NEO1: variants seen among roughly 807,000 people sequenced by gnomAD.
NEO1 encodes the protein neogenin.
Under a neutral mutation model 159.7 loss-of-function variants are expected in NEO1, and 63 were observed. That is an observed-to-expected ratio of 0.39 (90% confidence interval 0.32 to 0.49). The LOEUF is 0.49. Among genes scored for constraint, NEO1 ranks in the 20% least tolerant of loss-of-function variants. The pLI, the probability that NEO1 is intolerant of heterozygous loss-of-function variation, is 0.85. For missense variants in NEO1, 1,615 were observed against 1,831.0 expected (o/e 0.88, Z 2.15); for synonymous variants, 633 against 662.0 (o/e 0.96, Z 0.67).
Position 73,135,872 on chromosome 15 carries a change from T to G in NEO1, c.879-19T>G. 1 of 1,448,028 alleles carries G rather than the reference T, an allele frequency of 6.9e-7. No individual in the cohort carries two copies. The highest frequency in any genetic ancestry group is 9.0e-7 in the Non-Finnish European group (1 of 1,109,734). 89.7% of individuals were successfully genotyped at this position (1,448,028 alleles called of 1,614,324 possible). A position where few individuals can be genotyped will look rare whatever the true frequency, so the allele number is the denominator to read the frequency against. ...TAGTACTGAAATGTATCTTTTTTTTTTTTTTTTTTTTAACACAGCTCTGAA... is the reference window on the plus strand; with the variant it reads ...TAGTACTGAAATGTATCTTTTTTTTGTTTTTTTTTTTAACACAGCTCTGAA... On this transcript the variant is annotated intron_variant, in intron 4 of 28. Transcript: ENST00000261908.
intron 5 of NEO1, among the ~76,000 whole-genome samples, chr15:73,153,152 T>C (rs1264189531): frequency 6.6e-6 from 1 of 152,174 alleles, no homozygotes. Context: ...CAGAAAACAA[T>C]TTCAGCCTTT....
chr15:73,151,819 T>C (rs2033397362), intron 5 of NEO1, among the ~76,000 whole-genome samples: 1 of 152,192 alleles, frequency 6.6e-6, no homozygotes, highest in South Asian at 2.1e-4. Flanking sequence ...AGCTTCTATT[T>C]TGATTATTTT....
In NEO1 at chr15:73,249,817, C is replaced by G. The variant is rs186734667; in HGVS notation, c.1894+96C>G. On this transcript the variant is annotated intron_variant, in intron 11 of 28. Coordinates refer to ENST00000261908, the MANE Select transcript of NEO1 (RefSeq NM_002499.4). ...GCTTTGATGTCTAGAAGATTCAGTT[C>G]AAATCCCAATTTTACCTCTTTCTGG... 402 of 1,363,122 alleles carry G rather than the reference C, an allele frequency of 2.9e-4. 2 individuals carry two copies. Among genetic ancestry groups the G allele is most frequent in the South Asian group, 5.2e-4 (31 of 59,414 alleles). The allele number at this position is 1,363,122 out of a possible 1,614,324, so 84.4% of individuals were successfully genotyped here. A position where few individuals can be genotyped will look rare whatever the true frequency, so the allele number is the denominator to read the frequency against.
At chr15:73,108,136 T>C (rs2070782994) in intron 1 of NEO1, among the ~76,000 whole-genome samples, 1 of 152,160 alleles carries the variant, frequency 6.6e-6, no homozygotes, top group Non-Finnish European at 1.5e-5. Flanking sequence ...AATTCAGATT[T>C]CCCCCACTTT....
At chr15:73,205,730 G>A (rs2037174995) in intron 7 of NEO1, among the ~76,000 whole-genome samples, 1 of 152,130 alleles carries the variant, frequency 6.6e-6, no homozygotes, top group Admixed American at 6.5e-5. Flanking sequence ...TCTACAGTTT[G>A]GGGTGGGGAT....
At chr15:73,208,642 A>G (rs986579775) in intron 7 of NEO1, among the ~76,000 whole-genome samples, 2 of 152,160 alleles carry the variant, frequency 1.3e-5, no homozygotes, top group African/African-American at 4.8e-5. Flanking sequence ...CACATGGATC[A>G]CTTGAGCCCA....
At chr15:73,288,790 A>G (rs1314058227) in intron 24 of NEO1, among the ~76,000 whole-genome samples, 1 of 152,116 alleles carries the variant, frequency 6.6e-6, no homozygotes, top group Non-Finnish European at 1.5e-5. Flanking sequence ...ATCAGGCTTC[A>G]GCAGCGTGAT....
chr15:73,273,962 C>T lies in NEO1; in HGVS notation c.3117C>T (p.Gly1039=), dbSNP rs1161157326. 1 of 1,614,148 alleles carries T rather than the reference C, an allele frequency of 6.2e-7. No individual in the cohort carries two copies. The highest frequency in any genetic ancestry group is 1.1e-5 in the South Asian group (1 of 91,074). The change falls in exon 20 of 29, where the codon GGC becomes GGT. Residue 1039 remains glycine (G), a synonymous_variant. Coordinates refer to ENST00000261908, the MANE Select transcript of NEO1 (RefSeq NM_002499.4). ...AAATCCAGGCACGGAACTCAAAGGG[C>T]ATGGGACCCATGTCTGAAGCTGTCC... ...YFKIQARNSK[G]MGPMSEAVQF... is the part of the protein sequence containing the mutation.
intron 7 of NEO1, among the ~76,000 whole-genome samples, chr15:73,197,195 A>G (rs989631616): frequency 3.3e-5 from 5 of 151,936 alleles, no homozygotes; most frequent in Admixed American, 2.0e-4. Flanking sequence ...CCTCATCTCT[A>G]TAAAAATACA....
chr15:73,147,974 C>T (rs539018243), intron 5 of NEO1, among the ~76,000 whole-genome samples: 8 of 152,062 alleles, frequency 5.3e-5, no homozygotes, highest in South Asian at 2.1e-4. Flanking sequence ...CCATCATGCC[C>T]GGCTAATTTT....
chr15:73,269,790 T>A (rs1045432268), intron 16 of NEO1, among the ~76,000 whole-genome samples: 1 of 152,196 alleles, frequency 6.6e-6, no homozygotes, highest in African/African-American at 2.4e-5. Flanking sequence ...GAATATAGTT[T>A]ATTACTGCTT....
chr15:73,178,536 TG>T, intron 7 of NEO1, 109 bp downstream of exon 7: 1 of 1,178,150 alleles, frequency 8.5e-7, no homozygotes, highest in Non-Finnish European at 1.2e-6. Context: ...GGCCAATATG[TG>T]GCATAGCTAA....
chr15:73,095,693 A>G (rs1268938365), intron 1 of NEO1, among the ~76,000 whole-genome samples: 1 of 151,366 alleles, frequency 6.6e-6, no homozygotes, highest in Non-Finnish European at 1.5e-5. Flanking sequence ...TTTTGAGATT[A>G]AAGTAATGGA....
At chr15:73,090,945 T>C (rs970744732) in intron 1 of NEO1, among the ~76,000 whole-genome samples, 1 of 152,202 alleles carries the variant, frequency 6.6e-6, no homozygotes, top group Non-Finnish European at 1.5e-5. Context: ...ATCCTCCCAA[T>C]TGCGTTATTG....
chr15:73,081,867 ATTT>A (rs35614949), intron 1 of NEO1, among the ~76,000 whole-genome samples: 3 of 131,686 alleles, frequency 2.3e-5, no homozygotes, highest in Non-Finnish European at 3.2e-5. Flanking sequence ...AAATACTAGT[ATTT>A]TTTTTTTTTT....
intron 1 of NEO1, among the ~76,000 whole-genome samples, chr15:73,067,296 C>G (rs1595898627): frequency 6.6e-6 from 1 of 152,138 alleles, no homozygotes; most frequent in African/African-American, 2.4e-5. Context: ...GTTTCTCTCT[C>G]TCTGTAAATT....
chr15:73,156,321 T>C (rs1346419739), intron 5 of NEO1, among the ~76,000 whole-genome samples: 1 of 152,208 alleles, frequency 6.6e-6, no homozygotes, highest in Non-Finnish European at 1.5e-5. Flanking sequence ...CTGGAATGCC[T>C]CATGGGTCCT....
Position 73,068,231 on chromosome 15 carries a change from C to CCCCCCCCCG in NEO1, c.130+15428_130+15429insCCCCCCGCC, listed in dbSNP as rs55919404. 7.1e-4 allele frequency among the ~76,000 whole-genome samples: 86 copies of CCCCCCCCCG among 120,580 alleles called. 1 individual carries two copies. The highest frequency in any genetic ancestry group is 1.2e-3 in the Non-Finnish European group (69 of 57,040). The allele number at this position is 120,580 out of a possible 152,430, so 79.1% of individuals were successfully genotyped here. The stretch of plus-strand genomic sequence containing the variant: ...TTTGTTTTTGTCCCCCTACCCCCCC[C>CCCCCCCCCG]CCTTTTTTTTTGAGACAGTGTCTCA... On this transcript the variant is annotated intron_variant, in intron 1 of 28. Coordinates refer to ENST00000261908, the MANE Select transcript of NEO1 (RefSeq NM_002499.4).
intron 23 of NEO1, among the ~76,000 whole-genome samples, chr15:73,285,442 C>G (rs998578732): frequency 2.0e-5 from 3 of 152,230 alleles, no homozygotes; most frequent in Non-Finnish European, 4.4e-5. Flanking sequence ...GCTCTATTCT[C>G]TGTATTGGCA....
Sources: gnomAD v4.1 joint callset for allele counts (sites outside exome capture counted in the v4.1 genomes callset) on GRCh38, gnomAD v4.1.1 for gene constraint, MANE v1.5 for transcripts, NCBI Gene and HGNC (gene_info 2026-07-23, HGNC 2026-07-21) for gene names.